IFT88: variants seen among roughly 807,000 people sequenced by gnomAD.
The protein encoded by IFT88 is intraflagellar transport 88.
Under a neutral mutation model 119.5 loss-of-function variants are expected in IFT88, and 74 were observed. That is an observed-to-expected ratio of 0.62 (90% CI 0.51 to 0.75). IFT88 has a LOEUF of 0.75. Among genes scored for constraint, IFT88 ranks in the 30% least tolerant of loss-of-function variants. The pLI, the probability that IFT88 is intolerant of heterozygous loss-of-function variation, is 0.00. For missense variants in IFT88, 961 were observed against 977.7 expected, an observed-to-expected ratio of 0.98 and a Z score of 0.23; for synonymous variants, 279 against 316.7, an observed-to-expected ratio of 0.88 and a Z score of 1.26.
At chr13:20,689,363 C>T (rs912434798) in intron 24 of IFT88, among the ~76,000 whole-genome samples, 3 of 152,190 alleles carry the variant, frequency 2.0e-5, no homozygotes, top group Non-Finnish European at 4.4e-5. Context: ...TAATTTACAT[C>T]TGTGTAAAAA....
intron 23 of IFT88, among the ~76,000 whole-genome samples, chr13:20,670,583 G>A (rs1326430941): frequency 7.0e-6 from 1 of 141,890 alleles, no homozygotes; most frequent in Non-Finnish European, 1.5e-5. Context: ...TTGTATATGA[G>A]GACTAATGGC....
chr13:20,665,182 A>T (rs1158940886), intron 23 of IFT88, among the ~76,000 whole-genome samples: 1 of 152,216 alleles, frequency 6.6e-6, no homozygotes, highest in Non-Finnish European at 1.5e-5. Flanking sequence ...GACTATTCAA[A>T]TACAGAAATG....
intron 13 of IFT88, among the ~76,000 whole-genome samples, chr13:20,610,886 C>A (rs1188784919): frequency 1.3e-5 from 2 of 152,054 alleles, no homozygotes; most frequent in African/African-American, 4.8e-5. Context: ...TGCCTGTAAT[C>A]CTAGCACTTT....
At chr13:20,671,952 T>C (rs530902602) in intron 24 of IFT88, among the ~76,000 whole-genome samples, 1 of 152,254 alleles carries the variant, frequency 6.6e-6, no homozygotes, top group Non-Finnish European at 1.5e-5. Context: ...ATTGGATGCA[T>C]ACTGTGTGCC....
intron 14 of IFT88, among the ~76,000 whole-genome samples, chr13:20,623,239 A>G (rs569780410): frequency 6.6e-6 from 1 of 152,310 alleles, no homozygotes; most frequent in South Asian, 2.1e-4. Flanking sequence ...TTGAAATCAG[A>G]AAATGTGAGT....
chr13:20,665,054 G>A (rs574962250), intron 23 of IFT88, among the ~76,000 whole-genome samples: 24 of 150,902 alleles, frequency 1.6e-4, no homozygotes, highest in African/African-American at 5.6e-4. Flanking sequence ...ACTCCAGCCT[G>A]GGCAACAGAG....
intron 13 of IFT88, among the ~76,000 whole-genome samples, chr13:20,614,096 T>C (rs1208025537): frequency 6.6e-6 from 1 of 152,226 alleles, no homozygotes; most frequent in Non-Finnish European, 1.5e-5. Flanking sequence ...GTGAGCTGTA[T>C]GGTATATGAG....
intron 19 of IFT88, among the ~76,000 whole-genome samples, chr13:20,644,529 TAAAA>T (rs1189661133): frequency 6.6e-6 from 1 of 151,946 alleles, no homozygotes; most frequent in Non-Finnish European, 1.5e-5. Context: ...ATATTAATAA[TAAAA>T]AGAAGTACCA....
rs187719834 is a variant in IFT88 at position 20,690,102 on chromosome 13, C to T, written c.2243-603C>T. On this transcript the variant is annotated intron_variant, in intron 24 of 25. Transcript: ENST00000351808. Reference sequence around the variant, plus strand: ...TCTGATTTATTCCCAGAGACATTATCAGTAAACTAAAAGACAAACTATATT... The same window carrying T: ...TCTGATTTATTCCCAGAGACATTATTAGTAAACTAAAAGACAAACTATATT... Among the ~76,000 whole-genome samples the T allele has an allele frequency of 3.9e-5, 6 of 152,220 alleles. No homozygotes were observed. The East Asian group carries it at 9.6e-4, about 24-fold the overall frequency.
intron 22 of IFT88, among the ~76,000 whole-genome samples, chr13:20,658,418 A>G (rs1000802070): frequency 6.6e-6 from 1 of 152,152 alleles, no homozygotes; most frequent in Non-Finnish European, 1.5e-5. Flanking sequence ...AGCCCTACCT[A>G]GAAAGATTTT....
chr13:20,602,206 C>CTTTTT lies in IFT88; in HGVS notation c.1041+289_1041+293dup, dbSNP rs11458148. 2.5e-3 allele frequency among the ~76,000 whole-genome samples: 301 copies of CTTTTT among 118,130 alleles called. 17 individuals are homozygous for CTTTTT. Among genetic ancestry groups the CTTTTT allele is most frequent in the African/African-American group, 7.6e-3 (236 of 31,130 alleles). The allele number at this position is 118,130 out of a possible 152,430, so 77.5% of individuals were successfully genotyped here. The stretch of plus-strand genomic sequence containing the variant: ...CCATGTCATTCATTAAGCATAATAT[C>CTTTTT]TTTTTTTTTTTTTTTTTTTTGAGAC... On this transcript the variant is annotated intron_variant, in intron 12 of 25. Coordinates refer to ENST00000351808, the MANE Select transcript of IFT88 (RefSeq NM_006531.5).
chr13:20,578,034 C>CTTTTTTTTTT lies in IFT88; in HGVS notation c.90+3578_90+3587dup, dbSNP rs57202566. 5.4e-4 allele frequency among the ~76,000 whole-genome samples: 30 copies of CTTTTTTTTTT among 55,868 alleles called. 4 individuals are homozygous for CTTTTTTTTTT. Among genetic ancestry groups the CTTTTTTTTTT allele is most frequent in the African/African-American group, 1.8e-3 (27 of 15,414 alleles). The allele number at this position is 55,868 out of a possible 152,430, so 36.7% of individuals were successfully genotyped here. A position where few individuals can be genotyped will look rare whatever the true frequency, so the allele number is the denominator to read the frequency against. ...TATTGTGGCTTCAGTCTTGTTACTT[C>CTTTTTTTTTT]TTTTTTTTTTTTTTTTTTTTTTTTT... On this transcript the variant is annotated intron_variant, in intron 2 of 25. Transcript: ENST00000351808.
chr13:20,670,146 CTT>C (rs973618994), intron 23 of IFT88, among the ~76,000 whole-genome samples: 4 of 152,080 alleles, frequency 2.6e-5, no homozygotes, highest in Admixed American at 1.3e-4. Context: ...ATGTTTATGT[CTT>C]ATGTTTATAT....
intron 1 of IFT88, among the ~76,000 whole-genome samples, chr13:20,569,405 C>G (rs887901065): frequency 1.3e-5 from 2 of 150,940 alleles, no homozygotes. Flanking sequence ...AACCCCGTCT[C>G]TACTAAAAAT....
At chr13:20,653,480 C>G (rs1239876747) in intron 20 of IFT88, among the ~76,000 whole-genome samples, 2 of 152,014 alleles carry the variant, frequency 1.3e-5, no homozygotes, top group Non-Finnish European at 2.9e-5. Context: ...TAGTCGAAGC[C>G]TGATTCTTCA....
intron 20 of IFT88, among the ~76,000 whole-genome samples, chr13:20,646,444 A>G (rs918310313): frequency 6.6e-6 from 1 of 150,626 alleles, no homozygotes; most frequent in Admixed American, 6.7e-5. Flanking sequence ...CTGGGATTAC[A>G]GGCACATGCC....
intron 24 of IFT88, among the ~76,000 whole-genome samples, chr13:20,689,653 A>G (rs915065214): frequency 6.6e-6 from 1 of 152,162 alleles, no homozygotes; most frequent in African/African-American, 2.4e-5. Context: ...TTCTTCTCAC[A>G]TACTCATTCA....
chr13:20,669,919 GA>G (rs1008216633), intron 23 of IFT88, among the ~76,000 whole-genome samples: 1 of 151,790 alleles, frequency 6.6e-6, no homozygotes, highest in Admixed American at 6.6e-5. Context: ...CCTTTTAATG[GA>G]AAAAAAATTG....
chr13:20,575,447 A>G (rs1245824978), intron 2 of IFT88, among the ~76,000 whole-genome samples: 6 of 152,212 alleles, frequency 3.9e-5, no homozygotes, highest in Admixed American at 3.9e-4. Flanking sequence ...ATATACTGTG[A>G]TAGAGTTTGT....
Sources: gnomAD v4.1 joint callset for allele counts (sites outside exome capture counted in the v4.1 genomes callset) on GRCh38, gnomAD v4.1.1 for gene constraint, MANE v1.5 for transcripts, NCBI Gene and HGNC (gene_info 2026-07-23, HGNC 2026-07-21) for gene names.